Variants in MRAP2 observed in about 807,000 individuals in gnomAD.
MRAP2 encodes melanocortin-2 receptor accessory protein 2.
Under a neutral mutation model 17.4 loss-of-function variants are expected in MRAP2, and 20 were observed. That is an observed-to-expected ratio of 1.15 (90% CI 0.81 to 1.67). The LOEUF (loss-of-function observed/expected upper bound fraction) is 1.67, where lower values mean the gene tolerates loss of function less well. Among genes scored for constraint, MRAP2 ranks in the 40% most tolerant of loss-of-function variants. MRAP2 has a pLI of 0.00. For synonymous variants in MRAP2, 96 were observed against 88.4 expected (o/e 1.09, Z -0.48); for missense variants, 238 against 240.0 (o/e 0.99, Z 0.05).
chr6:84,126,304 T>C, the MRAP2 span: 1 of 1,131,568 alleles, frequency 8.8e-7, no homozygotes, highest in South Asian at 2.5e-5. Flanking sequence ...TTGCTAGGGA[T>C]GACAAAACTA....
chr6:84,036,647 C>A (rs1055660738), intron 1 of MRAP2, among the ~76,000 whole-genome samples: 1 of 152,142 alleles, frequency 6.6e-6, no homozygotes, highest in Non-Finnish European at 1.5e-5. Context: ...AAGACCAAAG[C>A]TTCCACAGTG....
At chr6:84,083,021 C>A (rs1401322812) in intron 3 of MRAP2, among the ~76,000 whole-genome samples, 2 of 152,026 alleles carry the variant, frequency 1.3e-5, no homozygotes, top group Non-Finnish European at 2.9e-5. Context: ...TCTAACCAAC[C>A]GAGATTAATT....
In MRAP2 at chr6:84,033,785, T is replaced by TGGGCGGTGGG. The variant is rs1301152157; in HGVS notation, c.-105_-96dup. The TGGGCGGTGGG allele has an allele frequency of 1.0e-6, 1 of 986,598 alleles. No homozygotes were observed. Among genetic ancestry groups the TGGGCGGTGGG allele is most frequent in the South Asian group, 4.5e-5 (1 of 22,108 alleles). 61.1% of individuals were successfully genotyped at this position (986,598 alleles called of 1,614,324 possible). A position where few individuals can be genotyped will look rare whatever the true frequency, so the allele number is the denominator to read the frequency against. ...GATCTAGGAGCTACTCGCCCGGCCCTGGGCGGTGGGAGGCGGCGGCGGCGG... is the reference window on the plus strand; with the variant it reads ...GATCTAGGAGCTACTCGCCCGGCCCTGGGCGGTGGGGGGCGGTGGGAGGCGGCGGCGGCGG... On this transcript the variant is annotated 5_prime_UTR_variant, in exon 1 of 4. Transcript: ENST00000257776.
chr6:84,048,278 C>G (rs1034151995), intron 1 of MRAP2, among the ~76,000 whole-genome samples: 2 of 152,160 alleles, frequency 1.3e-5, no homozygotes, highest in Non-Finnish European at 1.5e-5. Context: ...CTCACCAACA[C>G]TTATTTTCTG....
At chr6:84,117,238 G>A in the MRAP2 span, among the ~76,000 whole-genome samples, 1 of 152,230 alleles carries the variant, frequency 6.6e-6, no homozygotes, top group East Asian at 1.9e-4. Context: ...GGCCAGGCTG[G>A]TCTTGAACTC....
chr6:84,080,163 A>C (rs2099498618), intron 3 of MRAP2, among the ~76,000 whole-genome samples: 1 of 151,822 alleles, frequency 6.6e-6, no homozygotes, highest in South Asian at 2.1e-4. Flanking sequence ...CCTCCCAAGT[A>C]GCTGGGATTA....
rs766777258 is a variant in MRAP2, at chr6:84,062,558, A to G, written c.128-335A>G. The G allele has an allele frequency of 1.0e-4, 101 of 985,182 alleles. 1 individual carries two copies. Among genetic ancestry groups the G allele is most frequent in the Non-Finnish European group, 9.0e-5 (75 of 829,830 alleles). 61.0% of individuals were successfully genotyped at this position (985,182 alleles called of 1,614,324 possible). A position where few individuals can be genotyped will look rare whatever the true frequency, so the allele number is the denominator to read the frequency against. On this transcript the variant is annotated intron_variant, in intron 2 of 3. Coordinates refer to ENST00000257776, the MANE Select transcript of MRAP2 (RefSeq NM_138409.4). ...TTAAAACTTGAGTTGATAGTCTGCT[A>G]AAAATTTTATTTTCTAACTCAAAAC...
At chr6:84,063,670 A>G (rs1366021120) in intron 3 of MRAP2, among the ~76,000 whole-genome samples, 3 of 152,254 alleles carry the variant, frequency 2.0e-5, no homozygotes, top group Non-Finnish European at 4.4e-5. Context: ...AAGGATTTAT[A>G]TATTTTATAC....
the MRAP2 span, among the ~76,000 whole-genome samples, chr6:84,140,342 T>C: frequency 6.6e-6 from 1 of 152,140 alleles, no homozygotes; most frequent in Non-Finnish European, 1.5e-5. Context: ...TGACTGGAGG[T>C]GTCTCTGTGG....
the MRAP2 span, among the ~76,000 whole-genome samples, chr6:84,119,252 T>A: frequency 2.0e-5 from 3 of 152,368 alleles, no homozygotes; most frequent in Admixed American, 1.3e-4. Context: ...TTTCATTGAA[T>A]CTACAGATTA....
At chr6:84,110,798 C>G in the MRAP2 span, among the ~76,000 whole-genome samples, 1 of 152,128 alleles carries the variant, frequency 6.6e-6, no homozygotes, top group African/African-American at 2.4e-5. Context: ...GGAAGGGGTT[C>G]AGTTTCAGTT....
the MRAP2 span, among the ~76,000 whole-genome samples, chr6:84,143,562 T>A: frequency 1.9e-4 from 29 of 152,060 alleles, no homozygotes; most frequent in African/African-American, 7.0e-4. Flanking sequence ...AATGACAGAC[T>A]GTTTTATAAT....
the MRAP2 span, among the ~76,000 whole-genome samples, chr6:84,145,674 C>T: frequency 6.6e-6 from 1 of 152,080 alleles, no homozygotes; most frequent in African/African-American, 2.4e-5. Context: ...GCCTTGGAAT[C>T]ACTAAAACAT....
intron 1 of MRAP2, among the ~76,000 whole-genome samples, chr6:84,048,507 C>T (rs2099489604): frequency 6.6e-6 from 1 of 152,122 alleles, no homozygotes; most frequent in Non-Finnish European, 1.5e-5. Flanking sequence ...CTCAACTTGC[C>T]TAGAATTTTT....
At chr6:84,046,893 C>T (rs1183359034) in intron 1 of MRAP2, among the ~76,000 whole-genome samples, 1 of 151,794 alleles carries the variant, frequency 6.6e-6, no homozygotes, top group Non-Finnish European at 1.5e-5. Flanking sequence ...ATTCTCCCAC[C>T]TGTCTATGAC....
downstream of MRAP2, among the ~76,000 whole-genome samples, chr6:84,093,473 G>A (rs532417832): frequency 6.6e-6 from 1 of 152,276 alleles, no homozygotes; most frequent in South Asian, 2.1e-4. Context: ...AGCACCCTGG[G>A]TTCTTGTAAT....
At chr6:84,086,367 G>A (rs972524122) in intron 3 of MRAP2, among the ~76,000 whole-genome samples, 5 of 152,180 alleles carry the variant, frequency 3.3e-5, no homozygotes, top group African/African-American at 1.2e-4. Flanking sequence ...CAAGGTTATG[G>A]TTTTTGCCAT....
At chr6:84,107,161 G>T in the MRAP2 span, among the ~76,000 whole-genome samples, 23 of 152,126 alleles carry the variant, frequency 1.5e-4, no homozygotes, top group East Asian at 1.7e-3. Context: ...TGTTGGAGAG[G>T]CTTCTCCTAT....
At chr6:84,037,036 C>T (rs1445294637) in intron 1 of MRAP2, among the ~76,000 whole-genome samples, 3 of 150,056 alleles carry the variant, frequency 2.0e-5, no homozygotes, top group Non-Finnish European at 3.0e-5. Context: ...CCAAGAACCC[C>T]GAGCTAGACA....
Sources: gnomAD v4.1 joint callset for allele counts (sites outside exome capture counted in the v4.1 genomes callset) on GRCh38, gnomAD v4.1.1 for gene constraint, MANE v1.5 for transcripts, NCBI Gene and HGNC (gene_info 2026-07-23, HGNC 2026-07-21) for gene names.